DSCAM: variants seen among roughly 807,000 people sequenced by gnomAD.
DSCAM encodes the protein cell adhesion molecule DSCAM.
A neutral mutation model predicts 217.7 loss-of-function variants in DSCAM; 47 were observed. That is an observed-to-expected ratio of 0.22 (90% CI 0.17 to 0.28). DSCAM has a LOEUF of 0.28. Ranked by LOEUF, DSCAM falls within the 10% of genes least tolerant of loss-of-function variation. DSCAM has a pLI of 1.00. For missense variants in DSCAM, 2,080 were observed against 2,618.3 expected (o/e 0.79, Z 4.49); for synonymous variants, 1,056 against 1,015.3 (o/e 1.04, Z -0.76).
At chr21:40,094,704 G>T (rs75488844) in intron 20 of DSCAM, among the ~76,000 whole-genome samples, 1 of 152,068 alleles carries the variant, frequency 6.6e-6, no homozygotes, top group Non-Finnish European at 1.5e-5. Context: ...ACCACAAAGG[G>T]GAAATAATTA....
chr21:40,391,871 C>T (rs952063063), intron 3 of DSCAM, among the ~76,000 whole-genome samples: 3 of 152,168 alleles, frequency 2.0e-5, no homozygotes, highest in Non-Finnish European at 2.9e-5. Flanking sequence ...TAGAATGTGA[C>T]TCTGGGTCAT....
chr21:40,285,083 G>C (rs1277081262), intron 10 of DSCAM, among the ~76,000 whole-genome samples: 2 of 152,032 alleles, frequency 1.3e-5, no homozygotes, highest in Non-Finnish European at 2.9e-5. Flanking sequence ...AGAGGGAATT[G>C]GCCCTTCACT....
intron 3 of DSCAM, among the ~76,000 whole-genome samples, chr21:40,522,700 G>C (rs2076368774): frequency 6.6e-6 from 1 of 152,166 alleles, no homozygotes; most frequent in African/African-American, 2.4e-5. Flanking sequence ...TTCGCTTTAA[G>C]AAGTTATCAA....
At chr21:40,128,824 A>G (rs562748746) in intron 19 of DSCAM, among the ~76,000 whole-genome samples, 57 of 152,124 alleles carry the variant, frequency 3.7e-4, no homozygotes, top group Middle Eastern at 3.2e-3. Flanking sequence ...ACTCAGCTCA[A>G]CCAGACCTGG....
intron 18 of DSCAM, among the ~76,000 whole-genome samples, chr21:40,135,189 C>T (rs114559421): frequency 3.3e-5 from 5 of 152,286 alleles, no homozygotes; most frequent in African/African-American, 9.6e-5. Context: ...CAGAGCAGGC[C>T]GGTTACCCCA....
rs78471528 is a variant in DSCAM at position 40,595,709 on chromosome 21, A to G, written c.508+97101T>C. ...TACTCTGGTTCCAATTTATAAGAGG[A>G]TCAGATCCAAATATAGTTTATTACA... is the stretch of plus-strand genomic sequence containing the variant. On this transcript the variant is annotated intron_variant, in intron 3 of 32. Transcript: ENST00000400454. 7.9e-3 allele frequency among the ~76,000 whole-genome samples: 1,198 copies of G among 152,350 alleles called. 13 individuals carry two copies. Among genetic ancestry groups the G allele is most frequent in the African/African-American group, 0.027 (1,112 of 41,576 alleles).
chr21:40,620,830 T>C (rs1428506414), intron 3 of DSCAM, among the ~76,000 whole-genome samples: 1 of 152,232 alleles, frequency 6.6e-6, no homozygotes, highest in African/African-American at 2.4e-5. Flanking sequence ...TGATGTCCCA[T>C]CACTAAAAAC....
chr21:40,190,393 T>C (rs899761405), intron 11 of DSCAM, among the ~76,000 whole-genome samples: 1 of 151,856 alleles, frequency 6.6e-6, no homozygotes, highest in Non-Finnish European at 1.5e-5. Context: ...TAATATATAA[T>C]GGCGGTGCTT....
At chr21:40,611,251 G>GT (rs909456874) in intron 3 of DSCAM, among the ~76,000 whole-genome samples, 8 of 151,754 alleles carry the variant, frequency 5.3e-5, no homozygotes, top group Non-Finnish European at 1.2e-4. Context: ...TAGAGACTGG[G>GT]TTTTACCATG....
chr21:40,156,283 AAGACAG>A (rs2090475515), intron 16 of DSCAM, among the ~76,000 whole-genome samples: 1 of 86,168 alleles, frequency 1.2e-5, no homozygotes, highest in Non-Finnish European at 2.4e-5. Context: ...CAGTCAAACT[AAGACAG>A]AGAGAGAGAG....
At chr21:40,247,507 A>G (rs1331100997) in intron 11 of DSCAM, among the ~76,000 whole-genome samples, 1 of 152,202 alleles carries the variant, frequency 6.6e-6, no homozygotes, top group Admixed American at 6.5e-5. Flanking sequence ...AAAGCCCACA[A>G]TCCAGCAGGG....
At chr21:40,804,305 C>T (rs2837830) in intron 1 of DSCAM, among the ~76,000 whole-genome samples, 84,987 of 152,038 alleles carry the variant, frequency 0.56, 25,398 homozygotes, top group Admixed American at 0.7. Flanking sequence ...CAGAGGATCA[C>T]AGAAATTCAA....
intron 3 of DSCAM, among the ~76,000 whole-genome samples, chr21:40,409,780 A>G (rs1024629347): frequency 2.0e-5 from 3 of 152,254 alleles, no homozygotes; most frequent in African/African-American, 7.2e-5. Flanking sequence ...GACTGGAACC[A>G]TGCAAACAAG....
At chr21:40,490,781 T>G (rs1389845814) in intron 3 of DSCAM, among the ~76,000 whole-genome samples, 1 of 152,222 alleles carries the variant, frequency 6.6e-6, no homozygotes, top group Non-Finnish European at 1.5e-5. Context: ...GACATGAAAA[T>G]GTGTCAGTAT....
chr21:40,175,978 G>A (rs1384962771), intron 15 of DSCAM, among the ~76,000 whole-genome samples: 1 of 151,542 alleles, frequency 6.6e-6, no homozygotes, highest in African/African-American at 2.4e-5. Context: ...ATGTGGAGGG[G>A]GCCACAGCCC....
At chr21:40,425,844 CATAT>C (rs1401533781) in intron 3 of DSCAM, among the ~76,000 whole-genome samples, 3 of 151,968 alleles carry the variant, frequency 2.0e-5, no homozygotes, top group African/African-American at 7.3e-5. Context: ...TATCCATAAA[CATAT>C]ATAAACATAC....
intron 8 of DSCAM, among the ~76,000 whole-genome samples, chr21:40,335,537 CG>C (rs1172139522): frequency 2.0e-5 from 3 of 152,226 alleles, no homozygotes; most frequent in African/African-American, 7.2e-5. Context: ...AAAGGGCTTT[CG>C]TTTAAATCTA....
chr21:40,819,810 A>G (rs755221831), intron 1 of DSCAM, among the ~76,000 whole-genome samples: 3 of 152,164 alleles, frequency 2.0e-5, no homozygotes, highest in Non-Finnish European at 2.9e-5. Flanking sequence ...AAAGAAGTCA[A>G]TTTACATCTT....
intron 1 of DSCAM, among the ~76,000 whole-genome samples, chr21:40,819,374 G>A (rs951383186): frequency 6.6e-6 from 1 of 152,286 alleles, no homozygotes; most frequent in Admixed American, 6.5e-5. Flanking sequence ...CCAGACAGTG[G>A]GGGCAGTCTA....
Sources: allele counts gnomAD v4.1 joint callset (sites outside exome capture counted in the v4.1 genomes callset), GRCh38; gene constraint gnomAD v4.1.1; transcripts MANE v1.5; gene names NCBI Gene and HGNC (gene_info 2026-07-23, HGNC 2026-07-21).